Variants in SYMPK observed in about 807,000 individuals in gnomAD.
SYMPK encodes the protein symplekin.
A neutral mutation model predicts 136.4 loss-of-function variants in SYMPK; 49 were observed. That is an observed-to-expected ratio of 0.36 (90% CI 0.29 to 0.46). SYMPK has a LOEUF of 0.46. Among genes scored for constraint, SYMPK ranks in the 20% least tolerant of loss-of-function variants. The pLI, the probability that SYMPK is intolerant of heterozygous loss-of-function variation, is 1.00. For missense variants in SYMPK, 1,365 were observed against 1,690.0 expected, an observed-to-expected ratio of 0.81 and a Z score of 3.37; for synonymous variants, 766 against 713.0, an observed-to-expected ratio of 1.07 and a Z score of -1.19.
chr19:45,816,686 G>C (rs1301072331), intron 24 of SYMPK, 109 bp from the exon 25 acceptor site: 2 of 1,522,888 alleles, frequency 1.3e-6, no homozygotes, highest in African/African-American at 2.7e-5. Flanking sequence ...AGCAGTGCAG[G>C]GCCTTCTTGT....
intron 21 of SYMPK, 121 bp downstream of exon 21, chr19:45,822,635 G>T: frequency 2.1e-5 from 16 of 748,646 alleles, no homozygotes; most frequent in Non-Finnish European, 3.7e-5. Context: ...GTCCAGTACA[G>T]CTGGTGTCCC....
rs1971090055 is a variant in SYMPK at position 45,828,154 on chromosome 19, A to G, written c.1986-236T>C. On this transcript the variant is annotated intron_variant, in intron 14 of 26. Transcript: ENST00000245934. ...CATTTCTTCCGTTTGTCAAACAGGGATTCCTAACTTTATTCACTGAACATA... is the reference window on the plus strand; with the variant it reads ...CATTTCTTCCGTTTGTCAAACAGGGGTTCCTAACTTTATTCACTGAACATA... 51 of 496,530 alleles carry G rather than the reference A, an allele frequency of 1.0e-4. 2 individuals are homozygous for G. In the South Asian group the frequency reaches 1.1e-3, roughly 11 times the overall value. 30.8% of individuals were successfully genotyped at this position (496,530 alleles called of 1,614,324 possible).
At chr19:45,828,857 G>A (rs1971105328) in intron 14 of SYMPK, 113 bp downstream of exon 14, 1 of 1,031,084 alleles carries the variant, frequency 9.7e-7, no homozygotes, top group Admixed American at 2.1e-5. Flanking sequence ...TGGGTGCGAG[G>A]AGGACTGACT....
intron 13 of SYMPK, among the ~76,000 whole-genome samples, chr19:45,829,419 T>C (rs776425574): frequency 2.0e-5 from 3 of 152,048 alleles, no homozygotes; most frequent in Non-Finnish European, 2.9e-5. Context: ...CATCACAGAA[T>C]AAAAATGAGT....
chr19:45,824,983 C>T (rs921479075), intron 18 of SYMPK, among the ~76,000 whole-genome samples, 188 bp downstream of exon 18: 1 of 152,214 alleles, frequency 6.6e-6, no homozygotes, highest in Non-Finnish European at 1.5e-5. Flanking sequence ...TCCTAACTGC[C>T]GGGCCACTTG....
intron 7 of SYMPK, among the ~76,000 whole-genome samples, chr19:45,846,236 A>T (rs753636870): frequency 9.2e-5 from 14 of 152,242 alleles, no homozygotes; most frequent in Non-Finnish European, 1.6e-4. Context: ...ACTCCGTCTC[A>T]AAAAATAAAA....
At chr19:45,841,286 T>TCC (rs34730430) in intron 9 of SYMPK, among the ~76,000 whole-genome samples, 34 of 143,524 alleles carry the variant, frequency 2.4e-4, no homozygotes, top group African/African-American at 5.0e-4. Flanking sequence ...GCCTGGCAAT[T>TCC]CCCCCCCCAC....
Position 45,821,664 on chromosome 19 carries a change from C to A in SYMPK, c.2792-179G>T, listed in dbSNP as rs1970900950. 6.6e-6 allele frequency among the ~76,000 whole-genome samples: 1 copy of A among 152,186 alleles called. No homozygotes were observed. The highest frequency in any genetic ancestry group is 2.1e-4 in the South Asian group (1 of 4,834). On this transcript the variant is annotated intron_variant, in intron 21 of 26. Transcript: ENST00000245934. This position sits in a 1 kb window ranked among gnomAD's most constrained non-coding sequence, Gnocchi z 4.4. ...AGGGGACACCGAAGGCAGCAGCAGC[C>A]CTCAGGCAGCGTGAGGTTGCCACTG...
intron 18 of SYMPK, 45 bp from the exon 19 acceptor site, chr19:45,823,920 G>A: frequency 1.3e-6 from 2 of 1,537,614 alleles, no homozygotes; most frequent in Non-Finnish European, 1.8e-6. Context: ...TGAGAGCTTA[G>A]GGGAGGGTCA....
In SYMPK at chr19:45,815,611, G is replaced by A; in HGVS notation, c.3774C>T (p.Pro1258=). ...CCCTGGCGTCCTCGGCAGCCGGGCT[G>A]GGAGTCTTCATAGCATCTTCTCCAA... is the stretch of plus-strand genomic sequence containing the variant. The part of the protein sequence containing the change: ...APVGEDAMKT[P]SPAAEDAREP... The change falls in exon 27 of 27, where the codon CCC becomes CCT. Residue 1258 remains proline, a synonymous_variant. Coordinates refer to ENST00000245934, the MANE Select transcript of SYMPK (RefSeq NM_004819.3). The A allele has an allele frequency of 6.2e-7, 1 of 1,608,620 alleles. No individual in the cohort carries two copies. Among genetic ancestry groups the A allele is most frequent in the Non-Finnish European group, 8.5e-7 (1 of 1,178,468 alleles).
chr19:45,827,666 G>A (rs370119819), intron 15 of SYMPK, 43 bp from the exon 16 acceptor site: 2 of 1,565,784 alleles, frequency 1.3e-6, no homozygotes, highest in Non-Finnish European at 1.8e-6. Flanking sequence ...CCACCTGAGT[G>A]TGCCTCTGGG....
chr19:45,830,256 C>A, intron 12 of SYMPK, 52 bp from the exon 13 acceptor site: 1 of 1,563,384 alleles, frequency 6.4e-7, no homozygotes, highest in Admixed American at 1.8e-5. Context: ...GCAGCAAAGG[C>A]CTGTCTGGTG....
rs1268109836 is a variant in SYMPK, at chr19:45,830,349, A to G, written c.1599-145T>C. ...CCTCTCCAGTTCCTCTGTGTCTCTG[A>G]GGCACGGTGTGGCGGTGGGTAAGAG... On this transcript the variant is annotated intron_variant, in intron 12 of 26. Coordinates refer to ENST00000245934, the MANE Select transcript of SYMPK (RefSeq NM_004819.3). 5 of 951,950 alleles carry G rather than the reference A, an allele frequency of 5.3e-6. No individual in the cohort carries two copies. The East Asian group carries it at 1.3e-4, about 25-fold the overall frequency. 59.0% of individuals were successfully genotyped at this position (951,950 alleles called of 1,614,324 possible).
chr19:45,836,499 C>T (rs1185737071), intron 10 of SYMPK, among the ~76,000 whole-genome samples: 2 of 151,550 alleles, frequency 1.3e-5, no homozygotes, highest in Non-Finnish European at 2.9e-5. Flanking sequence ...GGCGTGGTGG[C>T]AGGCACCTGT....
intron 9 of SYMPK, among the ~76,000 whole-genome samples, chr19:45,841,347 C>T (rs1971431672): frequency 6.7e-6 from 1 of 149,206 alleles, no homozygotes; most frequent in African/African-American, 2.5e-5. Context: ...GACTGGAGTG[C>T]AATGGCATGA....
At chr19:45,834,747 T>C (rs568289643) in intron 11 of SYMPK, among the ~76,000 whole-genome samples, 3 of 152,224 alleles carry the variant, frequency 2.0e-5, no homozygotes, top group South Asian at 2.1e-4. Context: ...TTAAGAGTTC[T>C]GCATTTCACT....
rs758669807 is a variant in SYMPK at position 45,848,883 on chromosome 19, G to A, written c.300-7C>T. 1.9e-6 allele frequency: 3 copies of A among 1,613,906 alleles called. No individual in the cohort carries two copies. The highest frequency in any genetic ancestry group is 2.5e-6 in the Non-Finnish European group (3 of 1,179,988). On this transcript the variant is annotated splice_polypyrimidine_tract_variant and splice_region_variant and intron_variant, in intron 5 of 26. Transcript: ENST00000245934. ...CAACTCAATGTCTCGCTTGCTGAGG[G>A]ATGGAGAAAAAAGGGGCGAGGTCAA... is the stretch of plus-strand genomic sequence containing the variant.
chr19:45,816,522 T>C lies in SYMPK; in HGVS notation c.3314A>G (p.Glu1105Gly). Residue 1105 changes from glutamate to glycine, a missense_variant, in exon 25 of 27, where the codon GAG (glutamate) becomes GGG (glycine). This residue lies in a region of SYMPK where 341 missense variants were observed against 270.5 expected (regional missense o/e 1.26). Transcript: ENST00000245934. ...CGCAGGCGCCTCCTTGGCCTCTGGC[T>C]CCTGCTTGCCGCTGGCCTCCAAGAT... ...MTILEASGKQ[E>G]PEAKEAPAGP... is the part of the protein sequence containing the mutation. The C allele has an allele frequency of 1.9e-6, 3 of 1,613,562 alleles. No homozygotes were observed. The highest frequency in any genetic ancestry group is 2.5e-6 in the Non-Finnish European group (3 of 1,179,970).
In SYMPK at chr19:45,827,906, C is replaced by T. The variant is rs1411857996; in HGVS notation, c.1998G>A (p.Lys666=). Residue 666 remains lysine (K), a synonymous_variant, in exon 15 of 27, where the codon AAG becomes AAA. Transcript: ENST00000245934. ...KPDQKDGIFT[K]VVLEAPLITE... is the part of the protein sequence containing the mutation. ...TGATGAGTGGCGCCTCCAGCACAAC[C>T]TTGGTGAAGATCCTGCCAGAGATGG... 1.2e-6 allele frequency: 2 copies of T among 1,613,918 alleles called. No individual in the cohort carries two copies. Among genetic ancestry groups the T allele is most frequent in the South Asian group, 1.1e-5 (1 of 91,078 alleles).
Sources: gnomAD v4.1 joint callset for allele counts (sites outside exome capture counted in the v4.1 genomes callset) on GRCh38, gnomAD v4.1.1 for gene constraint, gnomAD v4.1.1 regional missense constraint, Gnocchi (gnomAD v3.1) non-coding constraint, MANE v1.5 for transcripts, NCBI Gene and HGNC (gene_info 2026-07-23, HGNC 2026-07-21) for gene names.